KIAA1328: variants seen among roughly 807,000 people sequenced by gnomAD.
KIAA1328 encodes protein hinderin.
KIAA1328 carries 52 observed loss-of-function variants against 68.1 expected under a neutral mutation model. That is an observed-to-expected ratio of 0.76 (90% CI 0.61 to 0.96). KIAA1328 has a LOEUF of 0.96. Among genes scored for constraint, KIAA1328 ranks in the 40% least tolerant of loss-of-function variants. The probability of loss-of-function intolerance (pLI) is 0.00; values close to 1 mark genes in which losing one functional copy is unlikely to be tolerated. For synonymous variants in KIAA1328, 232 were observed against 239.4 expected (o/e 0.97, Z 0.28); for missense variants, 641 against 677.6 (o/e 0.95, Z 0.60).
intron 6 of KIAA1328, among the ~76,000 whole-genome samples, chr18:36,990,841 G>T (rs2053148570): frequency 6.6e-6 from 1 of 151,994 alleles, no homozygotes; most frequent in African/African-American, 2.4e-5. Context: ...GTTTTAAATG[G>T]TAGATTTTGA....
chr18:36,912,451 A>T (rs1275501764), intron 5 of KIAA1328, among the ~76,000 whole-genome samples: 1 of 152,126 alleles, frequency 6.6e-6, no homozygotes, highest in African/African-American at 2.4e-5. Flanking sequence ...CTGTAATTAC[A>T]TTGGGCTTAC....
At chr18:37,086,654 T>G (rs1281677859) in intron 7 of KIAA1328, among the ~76,000 whole-genome samples, 1 of 152,198 alleles carries the variant, frequency 6.6e-6, no homozygotes, top group Non-Finnish European at 1.5e-5. Context: ...ATGTCTTTAG[T>G]CAATCTTCAT....
intron 6 of KIAA1328, among the ~76,000 whole-genome samples, chr18:36,982,082 A>G (rs1268871151): frequency 6.9e-6 from 1 of 145,878 alleles, no homozygotes; most frequent in Non-Finnish European, 1.5e-5. Context: ...TAATATATAT[A>G]TTTATATTAT....
At chr18:36,859,470 A>G (rs1439839813) in intron 4 of KIAA1328, among the ~76,000 whole-genome samples, 1 of 151,592 alleles carries the variant, frequency 6.6e-6, no homozygotes, top group Non-Finnish European at 1.5e-5. Flanking sequence ...AAAAATGATC[A>G]GTTCCCTCCC....
chr18:37,155,455 C>T (rs748839323), intron 7 of KIAA1328, among the ~76,000 whole-genome samples: 6 of 152,156 alleles, frequency 3.9e-5, no homozygotes, highest in Non-Finnish European at 8.8e-5. Context: ...TGACTTTTCT[C>T]TCCCTCTCTC....
At chr18:36,997,110 T>TG (rs201043817) in intron 6 of KIAA1328, among the ~76,000 whole-genome samples, 1 of 151,672 alleles carries the variant, frequency 6.6e-6, no homozygotes, top group African/African-American at 2.4e-5. Flanking sequence ...TCCCCACCTG[T>TG]GAAAAAAAAA....
intron 7 of KIAA1328, among the ~76,000 whole-genome samples, chr18:37,068,728 A>G (rs2056427904): frequency 6.6e-6 from 1 of 152,090 alleles, no homozygotes; most frequent in Non-Finnish European, 1.5e-5. Flanking sequence ...GTCTTTTGTC[A>G]GATATGTGAA....
At chr18:36,859,853 T>TA (rs1270467699) in intron 4 of KIAA1328, among the ~76,000 whole-genome samples, 2 of 150,912 alleles carry the variant, frequency 1.3e-5, no homozygotes, top group Admixed American at 6.6e-5. Flanking sequence ...TTTTTTTTTT[T>TA]ACAGGAGTTG....
At chr18:36,863,247 G>A (rs1273988186) in intron 4 of KIAA1328, among the ~76,000 whole-genome samples, 1 of 151,550 alleles carries the variant, frequency 6.6e-6, no homozygotes, top group African/African-American at 2.4e-5. Context: ...ATGTGAGGTT[G>A]AGGTTCTTTT....
chr18:36,925,676 T>C (rs1362532823), intron 5 of KIAA1328, among the ~76,000 whole-genome samples: 2 of 152,084 alleles, frequency 1.3e-5, no homozygotes, highest in African/African-American at 4.8e-5. Context: ...TAGCTGGGAC[T>C]ACAGGTGCAT....
chr18:37,020,462 C>T (rs758749281), intron 6 of KIAA1328, among the ~76,000 whole-genome samples: 12 of 152,190 alleles, frequency 7.9e-5, no homozygotes, highest in Non-Finnish European at 1.6e-4. Flanking sequence ...AATAACTTCT[C>T]TCATGCAAAA....
At chr18:37,025,060 G>C (rs1019805936) in intron 6 of KIAA1328, among the ~76,000 whole-genome samples, 1 of 152,058 alleles carries the variant, frequency 6.6e-6, no homozygotes, top group Non-Finnish European at 1.5e-5. Flanking sequence ...ACTTTTTAAT[G>C]ATCACCATTC....
intron 6 of KIAA1328, among the ~76,000 whole-genome samples, chr18:37,021,700 T>C (rs1285285725): frequency 1.3e-5 from 2 of 152,128 alleles, no homozygotes; most frequent in African/African-American, 2.4e-5. Flanking sequence ...CCCCCCTCCC[T>C]CTGTCTCTGT....
chr18:36,905,405 C>T (rs2049183753), intron 5 of KIAA1328, among the ~76,000 whole-genome samples: 3 of 152,032 alleles, frequency 2.0e-5, no homozygotes, highest in South Asian at 4.1e-4. Flanking sequence ...ACCCACCATG[C>T]CTGGCCTTGT....
chr18:36,951,201 A>T (rs1023500124), intron 5 of KIAA1328, among the ~76,000 whole-genome samples: 4 of 152,142 alleles, frequency 2.6e-5, no homozygotes, highest in African/African-American at 7.2e-5. Flanking sequence ...AAGTGTTCCT[A>T]CAGCACTACA....
Position 36,835,249 on chromosome 18 carries a change from G to A in KIAA1328, c.110G>A (p.Gly37Glu). 1.9e-6 allele frequency: 3 copies of A among 1,611,192 alleles called. No homozygotes were observed. Among genetic ancestry groups the A allele is most frequent in the Non-Finnish European group, 2.5e-6 (3 of 1,178,904 alleles). The change falls in exon 3 of 10, where the codon GGA (glycine) becomes GAA (glutamate). Residue 37 changes from glycine to glutamate, a missense_variant. By Grantham distance (98) the Gly-to-Glu change is moderately conservative. Coordinates refer to ENST00000280020, the MANE Select transcript of KIAA1328 (RefSeq NM_020776.3). ...VVYVPGISAEGNVRSRHKLMS... is the reference protein window; with the variant it reads ...VVYVPGISAEENVRSRHKLMS... ...AAATCCTTAGGAATTTCTGCTGAAG[G>A]AAATGTCAGATCAAGACACAAGCTG...
intron 9 of KIAA1328, among the ~76,000 whole-genome samples, chr18:37,186,894 C>G (rs2059813489): frequency 6.6e-6 from 1 of 152,088 alleles, no homozygotes; most frequent in Non-Finnish European, 1.5e-5. Context: ...CTATCATTGG[C>G]CAGGCATGGT....
chr18:37,007,782 A>C (rs1023278990), intron 6 of KIAA1328, among the ~76,000 whole-genome samples: 16 of 152,194 alleles, frequency 1.1e-4, no homozygotes, highest in Admixed American at 5.2e-4. Flanking sequence ...GGATAAGCCC[A>C]CTATAGCCTA....
chr18:36,903,190 T>TC (rs1417964666), intron 5 of KIAA1328, among the ~76,000 whole-genome samples: 1 of 152,156 alleles, frequency 6.6e-6, no homozygotes, highest in African/African-American at 2.4e-5. Flanking sequence ...TTTCATTTAA[T>TC]CATCACTGTA....
Sources: gnomAD v4.1 joint callset for allele counts (sites outside exome capture counted in the v4.1 genomes callset) on GRCh38, gnomAD v4.1.1 for gene constraint, MANE v1.5 for transcripts, NCBI Gene and HGNC (gene_info 2026-07-23, HGNC 2026-07-21) for gene names.